OSBPL8: variants seen among roughly 807,000 people sequenced by gnomAD.
OSBPL8 encodes the protein oxysterol-binding protein-related protein 8.
In OSBPL8, 59 loss-of-function variants were observed where a neutral mutation model predicts 125.5. The ratio of observed to expected loss-of-function variants is 0.47; its 90% CI spans 0.38 to 0.58. OSBPL8 has a LOEUF of 0.58. Among genes scored for constraint, OSBPL8 ranks in the 20% least tolerant of loss-of-function variants. OSBPL8 has a pLI of 0.00. For missense variants in OSBPL8, 758 were observed against 1,047.8 expected (o/e 0.72, Z 3.82); for synonymous variants, 330 against 338.9 (o/e 0.97, Z 0.29).
At chr12:76,550,551 C>T (rs1252953204) in intron 1 of OSBPL8, among the ~76,000 whole-genome samples, 5 of 152,038 alleles carry the variant, frequency 3.3e-5, no homozygotes, top group Non-Finnish European at 1.5e-5. Flanking sequence ...TCTTGGGCCA[C>T]CCATAAAATA....
intron 21 of OSBPL8, among the ~76,000 whole-genome samples, chr12:76,365,004 C>T (rs547281253): frequency 6.6e-6 from 1 of 152,226 alleles, no homozygotes; most frequent in Non-Finnish European, 1.5e-5. Context: ...CACTCTGTCT[C>T]CCAGGCTGGA....
chr12:76,487,546 C>G lies in OSBPL8; in HGVS notation c.6G>C (p.Glu2Asp), dbSNP rs765629902. The change falls in exon 2 of 24, where the codon GAG (glutamate) becomes GAC (aspartate). Residue 2 changes from glutamate (E) to aspartate (D), a missense_variant. Glu to Asp is a conservative substitution (Grantham distance 45). This residue lies in a region of OSBPL8 where 117 missense variants were observed against 137.1 expected (regional missense o/e 0.85). Transcript: ENST00000261183. M[E>D]GGLADGEPDR... is the part of the protein sequence containing the mutation. ...CAGGTTCTCCATCTGCCAAACCTCC[C>G]TCCATAATGAAAGAAGATAGGTTTA... The G allele has an allele frequency of 6.2e-7, 1 of 1,604,094 alleles. No individual in the cohort carries two copies. The highest frequency in any genetic ancestry group is 1.7e-5 in the Admixed American group (1 of 57,952).
chr12:76,553,849 C>T (rs566370532), intron 1 of OSBPL8, among the ~76,000 whole-genome samples: 5 of 151,492 alleles, frequency 3.3e-5, no homozygotes, highest in Admixed American at 2.0e-4. Context: ...TGGTGGCATG[C>T]ACCCGTAATC....
chr12:76,436,265 G>C (rs894509845), intron 4 of OSBPL8, among the ~76,000 whole-genome samples: 9 of 152,070 alleles, frequency 5.9e-5, no homozygotes, highest in Non-Finnish European at 8.8e-5. Flanking sequence ...TTTCCTGAAT[G>C]ATGAGCCTAA....
intron 1 of OSBPL8, among the ~76,000 whole-genome samples, chr12:76,539,143 C>T (rs925949032): frequency 6.7e-6 from 1 of 149,508 alleles, no homozygotes; most frequent in Non-Finnish European, 1.5e-5. Context: ...TGCCACCCAA[C>T]AGCCACACAG....
At chr12:76,372,648 G>A (rs934743701) in intron 18 of OSBPL8, among the ~76,000 whole-genome samples, 7 of 152,122 alleles carry the variant, frequency 4.6e-5, no homozygotes. Flanking sequence ...ACTGCATGCA[G>A]AAAGGAGCAT....
rs762475639 is a variant in OSBPL8, at chr12:76,375,266, T to G, written c.1827+7A>C. 9 of 1,574,912 alleles carry G rather than the reference T, an allele frequency of 5.7e-6. No homozygotes were observed. In the Admixed American group the frequency reaches 1.5e-4, roughly 26 times the overall value. On this transcript the variant is annotated splice_region_variant and intron_variant, in intron 17 of 23. Transcript: ENST00000261183. ...GCTAGGTGATACCTACTGTATTGTCTACTAACCTTTAGTTTAAATTCAAGT... is the reference window on the plus strand; with the variant it reads ...GCTAGGTGATACCTACTGTATTGTCGACTAACCTTTAGTTTAAATTCAAGT...
At chr12:76,516,425 C>T (rs1007210338) in intron 1 of OSBPL8, among the ~76,000 whole-genome samples, 3 of 152,182 alleles carry the variant, frequency 2.0e-5, no homozygotes, top group African/African-American at 7.2e-5. Context: ...GCTCTTTGTG[C>T]TTCCTCGTAT....
intron 1 of OSBPL8, among the ~76,000 whole-genome samples, chr12:76,493,857 A>C (rs757404599): frequency 7.2e-4 from 110 of 152,088 alleles, no homozygotes; most frequent in Non-Finnish European, 3.8e-4. Flanking sequence ...TGATGTCCCT[A>C]AATCTGTAGG....
intron 1 of OSBPL8, among the ~76,000 whole-genome samples, chr12:76,504,943 C>G (rs1880265448): frequency 6.6e-6 from 1 of 152,118 alleles, no homozygotes; most frequent in Non-Finnish European, 1.5e-5. Flanking sequence ...GGCTCTCACC[C>G]AGGCGTGGAC....
Position 76,355,079 on chromosome 12 carries a change from T to G in OSBPL8, c.*810A>C, listed in dbSNP as rs1246326674. ...TGGCCTATGTTATGAACCAGCTGAC[T>G]TAAGAAAAACAAAAATAAGACAAAA... On this transcript the variant is annotated 3_prime_UTR_variant, in exon 24 of 24. Transcript: ENST00000261183. 1 of 152,466 alleles carries G rather than the reference T, an allele frequency of 6.6e-6. No homozygotes were observed. The highest frequency in any genetic ancestry group is 2.1e-4 in the South Asian group (1 of 4,836). 9.4% of individuals were successfully genotyped at this position (152,466 alleles called of 1,614,324 possible).
intron 1 of OSBPL8, among the ~76,000 whole-genome samples, chr12:76,526,454 C>T (rs1950173753): frequency 6.6e-6 from 1 of 151,968 alleles, no homozygotes; most frequent in Admixed American, 6.6e-5. Flanking sequence ...TTGCTATGCA[C>T]TACTAGTATA....
intron 16 of OSBPL8, among the ~76,000 whole-genome samples, chr12:76,375,890 C>G (rs531248015): frequency 1.4e-3 from 209 of 152,240 alleles, no homozygotes; most frequent in African/African-American, 3.9e-3. Context: ...GAAAGCTATA[C>G]TGTATTTTAC....
rs760308645 is a variant in OSBPL8 at position 76,404,893 on chromosome 12, G to A, written c.289-2127C>T. Among the ~76,000 whole-genome samples, 56 of 152,230 alleles carry A rather than the reference G, an allele frequency of 3.7e-4. 1 individual carries two copies. The highest frequency in any genetic ancestry group is 3.4e-3 in the Middle Eastern group (1 of 294). On this transcript the variant is annotated intron_variant, in intron 5 of 23. Transcript: ENST00000261183. ...CAGGGTCAGTGCCCCTAACTTGCAT[G>A]TTGTTCGAGGATCAACTGTATATAC... is the stretch of plus-strand genomic sequence containing the variant.
At chr12:76,452,825 T>G (rs1368924596) in intron 3 of OSBPL8, among the ~76,000 whole-genome samples, 1 of 152,186 alleles carries the variant, frequency 6.6e-6, no homozygotes. Flanking sequence ...TTTTGCCCAG[T>G]CACAGGGCTT....
At chr12:76,428,714 T>C (rs1468676248) in intron 4 of OSBPL8, among the ~76,000 whole-genome samples, 1 of 152,132 alleles carries the variant, frequency 6.6e-6, no homozygotes. Flanking sequence ...CACTACTCTA[T>C]GAAATGAGTA....
intron 4 of OSBPL8, among the ~76,000 whole-genome samples, chr12:76,418,774 T>C (rs1030933939): frequency 6.6e-6 from 1 of 151,990 alleles, no homozygotes; most frequent in African/African-American, 2.4e-5. Flanking sequence ...CGGAGGTTGC[T>C]GTGAGCCAAG....
chr12:76,406,843 G>A (rs1272413125), intron 5 of OSBPL8, among the ~76,000 whole-genome samples: 4 of 152,056 alleles, frequency 2.6e-5, no homozygotes, highest in Non-Finnish European at 5.9e-5. Flanking sequence ...GAACTCCTGG[G>A]CTCATGCAAT....
At chr12:76,553,796 T>G (rs910747159) in intron 1 of OSBPL8, among the ~76,000 whole-genome samples, 112 of 151,528 alleles carry the variant, frequency 7.4e-4, no homozygotes, top group African/African-American at 2.7e-3. Flanking sequence ...GCCAATATGG[T>G]GAAACCCCAT....
Sources: gnomAD v4.1 joint callset for allele counts (sites outside exome capture counted in the v4.1 genomes callset) on GRCh38, gnomAD v4.1.1 for gene constraint, gnomAD v4.1.1 regional missense constraint, MANE v1.5 for transcripts, NCBI Gene and HGNC (gene_info 2026-07-23, HGNC 2026-07-21) for gene names.